Variants in NLGN1 observed in about 807,000 individuals in gnomAD.
NLGN1 encodes the protein neuroligin 1.
NLGN1 carries 12 observed loss-of-function variants against 65.5 expected under a neutral mutation model. That is an observed-to-expected ratio of 0.18 (90% confidence interval 0.12 to 0.30). The LOEUF is 0.30. Ranked by LOEUF, NLGN1 falls within the 10% of genes least tolerant of loss-of-function variation. NLGN1 has a pLI of 1.00. For missense variants in NLGN1, 750 were observed against 1,007.1 expected (o/e 0.74, Z 3.46); for synonymous variants, 350 against 359.5 (o/e 0.97, Z 0.30).
At chr3:173,632,309 T>A (rs1755815979) in intron 3 of NLGN1, among the ~76,000 whole-genome samples, 1 of 152,212 alleles carries the variant, frequency 6.6e-6, no homozygotes, top group Admixed American at 6.5e-5. Context: ...AAATGGTGGT[T>A]GTGCAAACAT....
chr3:173,995,879 T>A (rs1257014284), intron 4 of NLGN1, among the ~76,000 whole-genome samples: 1 of 152,016 alleles, frequency 6.6e-6, no homozygotes, highest in Non-Finnish European at 1.5e-5. Flanking sequence ...AGAGACAGTG[T>A]CTCAGTATGT....
chr3:173,969,917 A>C (rs1269877997), intron 4 of NLGN1, among the ~76,000 whole-genome samples: 1 of 152,000 alleles, frequency 6.6e-6, no homozygotes, highest in Non-Finnish European at 1.5e-5. Flanking sequence ...TGGGCTTAAA[A>C]AAAAAAAAGA....
At chr3:173,423,208 G>A (rs1715445987) in intron 1 of NLGN1, among the ~76,000 whole-genome samples, 1 of 152,118 alleles carries the variant, frequency 6.6e-6, no homozygotes, top group African/African-American at 2.4e-5. Flanking sequence ...TCACCTCCCA[G>A]CAGGCCCTTC....
At chr3:173,565,380 G>A (rs968125875) in intron 2 of NLGN1, among the ~76,000 whole-genome samples, 14 of 152,160 alleles carry the variant, frequency 9.2e-5, no homozygotes, top group African/African-American at 3.4e-4. Context: ...AGAAGTGACC[G>A]GGATTTGGAA....
chr3:173,684,382 A>G (rs1312002565), intron 3 of NLGN1, among the ~76,000 whole-genome samples: 6 of 152,180 alleles, frequency 3.9e-5, no homozygotes, highest in Non-Finnish European at 7.4e-5. Context: ...CACATTTGTC[A>G]AGGATAAATA....
intron 1 of NLGN1, among the ~76,000 whole-genome samples, chr3:173,410,481 A>G (rs1420277728): frequency 1.1e-4 from 16 of 152,216 alleles, no homozygotes; most frequent in Admixed American, 9.8e-4. Flanking sequence ...TGAAGTTAAG[A>G]TATGGTGTTC....
In NLGN1 at chr3:174,169,558, A is replaced by G. The variant is rs898045525; in HGVS notation, c.647-105757A>G. ...CTGTACCACAATTAATGTGGTAGGA[A>G]GGATTAAGAAGGATGGGTGGCTCAG... On this transcript the variant is annotated intron_variant, in intron 4 of 6. Transcript: ENST00000457714. Among the ~76,000 whole-genome samples, 5 of 151,846 alleles carry G rather than the reference A, an allele frequency of 3.3e-5. No individual in the cohort carries two copies. The East Asian group carries it at 5.9e-4, about 18-fold the overall frequency.
chr3:174,258,277 A>G (rs960751940), intron 4 of NLGN1, among the ~76,000 whole-genome samples: 2 of 152,174 alleles, frequency 1.3e-5, no homozygotes, highest in Non-Finnish European at 2.9e-5. Context: ...CTGAAATAAA[A>G]TAAGAACCCA....
chr3:174,199,597 C>T (rs771112777), intron 4 of NLGN1, among the ~76,000 whole-genome samples: 12 of 151,930 alleles, frequency 7.9e-5, no homozygotes, highest in Non-Finnish European at 1.5e-4. Flanking sequence ...TAAATGAATA[C>T]GATGATTAGA....
At chr3:173,640,760 G>A (rs1412115754) in intron 3 of NLGN1, among the ~76,000 whole-genome samples, 1 of 152,068 alleles carries the variant, frequency 6.6e-6, no homozygotes, top group Non-Finnish European at 1.5e-5. Context: ...TGACCCTGAT[G>A]TCTTTTTATG....
chr3:173,477,495 G>A (rs1448923571), intron 2 of NLGN1, among the ~76,000 whole-genome samples: 8 of 152,128 alleles, frequency 5.3e-5, no homozygotes, highest in African/African-American at 1.9e-4. Flanking sequence ...AGTGAACTAT[G>A]ATCCTGCCAG....
rs925666292 is a variant in NLGN1, at chr3:173,854,118, TAA to T, written c.646+46287_646+46288del. On this transcript the variant is annotated intron_variant, in intron 4 of 6. Transcript: ENST00000457714. ...GTTTTATGCTTATAGAATTTCATGT[TAA>T]GTTTTTTTAAGCAAGATACACTTTT... Among the ~76,000 whole-genome samples the T allele has an allele frequency of 3.3e-5, 5 of 152,062 alleles. No individual in the cohort carries two copies. In the East Asian group the frequency reaches 7.7e-4, roughly 23 times the overall value.
chr3:173,498,466 G>A (rs1469836606), intron 2 of NLGN1, among the ~76,000 whole-genome samples: 1 of 151,656 alleles, frequency 6.6e-6, no homozygotes, highest in East Asian at 1.9e-4. Flanking sequence ...TTGGACATTT[G>A]GGTTGGTTCC....
chr3:173,730,323 C>CCCCT (rs1553822017), intron 3 of NLGN1, among the ~76,000 whole-genome samples: 1 of 28,698 alleles, frequency 3.5e-5, no homozygotes, highest in East Asian at 7.6e-3. Context: ...CCCCACCGCT[C>CCCCT]CCCCCCCCCC....
chr3:173,576,901 A>G (rs941866922), intron 2 of NLGN1, among the ~76,000 whole-genome samples: 33 of 152,162 alleles, frequency 2.2e-4, no homozygotes, highest in Non-Finnish European at 2.9e-4. Flanking sequence ...GTGGTCCAAT[A>G]TTTTAAGATC....
At chr3:174,081,054 T>C (rs1477580427) in intron 4 of NLGN1, among the ~76,000 whole-genome samples, 3 of 151,884 alleles carry the variant, frequency 2.0e-5, no homozygotes, top group Non-Finnish European at 4.4e-5. Context: ...CTAGTTATTG[T>C]GTTGGGTGGG....
intron 2 of NLGN1, among the ~76,000 whole-genome samples, chr3:173,480,993 T>TTA (rs1271375694): frequency 2.0e-5 from 3 of 152,068 alleles, no homozygotes; most frequent in African/African-American, 7.2e-5. Context: ...TTCACATACA[T>TTA]TAACTCATTT....
intron 3 of NLGN1, among the ~76,000 whole-genome samples, chr3:173,716,189 C>T (rs749967732): frequency 1.3e-4 from 20 of 152,162 alleles, no homozygotes; most frequent in Non-Finnish European, 2.4e-4. Flanking sequence ...TTCAGGAAAG[C>T]GATTTGAAGG....
At chr3:173,605,945 C>A (rs528320494) in intron 3 of NLGN1, among the ~76,000 whole-genome samples, 1 of 152,184 alleles carries the variant, frequency 6.6e-6, no homozygotes, top group South Asian at 2.1e-4. Flanking sequence ...TCTCTGAACT[C>A]TTTTCTACAG....
Sources: gnomAD v4.1 joint callset for allele counts (sites outside exome capture counted in the v4.1 genomes callset) on GRCh38, gnomAD v4.1.1 for gene constraint, MANE v1.5 for transcripts, NCBI Gene and HGNC (gene_info 2026-07-23, HGNC 2026-07-21) for gene names.